Variants in CPS1 observed in about 807,000 individuals in gnomAD.
CPS1 encodes carbamoyl-phosphate synthase [ammonia], mitochondrial.
CPS1 carries 109 observed loss-of-function variants against 174.6 expected under a neutral mutation model. The observed-to-expected ratio is 0.62, with a 90% CI of 0.53 to 0.73. CPS1 has a LOEUF of 0.73. Ranked by LOEUF, CPS1 falls within the 30% of genes least tolerant of loss-of-function variation. The pLI is 0.00. For synonymous variants in CPS1, 637 were observed against 632.0 expected, an observed-to-expected ratio of 1.01 and a Z score of -0.12; for missense variants, 1,689 against 1,821.9, an observed-to-expected ratio of 0.93 and a Z score of 1.33.
intron 30 of CPS1, among the ~76,000 whole-genome samples, chr2:210,657,056 A>G (rs1574649769): frequency 6.6e-6 from 1 of 152,112 alleles, no homozygotes; most frequent in African/African-American, 2.4e-5. Flanking sequence ...CTAATGTTTC[A>G]GGGCCACACA....
At chr2:210,486,395 A>G (rs1186924788) in intron 1 of CPS1, among the ~76,000 whole-genome samples, 1 of 152,104 alleles carries the variant, frequency 6.6e-6, no homozygotes, top group African/African-American at 2.4e-5. Flanking sequence ...ATGACTGGTC[A>G]CTCACAGAAG....
At chr2:210,579,341 G>T (rs2106085324) in intron 4 of CPS1, among the ~76,000 whole-genome samples, 1 of 152,238 alleles carries the variant, frequency 6.6e-6, no homozygotes, top group East Asian at 1.9e-4. Context: ...AATGTGTTGA[G>T]TGCCTACTCT....
chr2:210,654,546 A>G (rs1700650849), intron 29 of CPS1, among the ~76,000 whole-genome samples: 1 of 152,216 alleles, frequency 6.6e-6, no homozygotes, highest in Admixed American at 6.5e-5. Context: ...CAAACAGAGT[A>G]AAGTGGATAA....
chr2:210,614,974 G>A (rs1412207243), intron 20 of CPS1, among the ~76,000 whole-genome samples: 1 of 151,780 alleles, frequency 6.6e-6, no homozygotes, highest in Non-Finnish European at 1.5e-5. Context: ...CATGGCCCGT[G>A]TATACCTATG....
intron 1 of CPS1, among the ~76,000 whole-genome samples, chr2:210,512,778 ATATATATG>A (rs1426745710): frequency 2.6e-4 from 20 of 76,586 alleles, no homozygotes; most frequent in South Asian, 4.3e-4. Flanking sequence ...ATATATATAT[ATATATATG>A]GAGAGAGAGA....
Position 210,592,948 on chromosome 2 carries a change from G to A in CPS1, c.1156G>A (p.Asp386Asn). Reference sequence around the variant, plus strand: ...CCCAGAGGTCACCCCGGGGCCAATAGACACTGAGGTACGTCAAAAAGATGA... The same window carrying A: ...CCCAGAGGTCACCCCGGGGCCAATAAACACTGAGGTACGTCAAAAAGATGA... ...FHPEVTPGPI[D>N]TEYLFDSFFS... The change falls in exon 11 of 38, where the codon GAC (aspartate) becomes AAC (asparagine). Residue 386 changes from aspartate (D) to asparagine (N), a missense_variant. Coordinates refer to ENST00000233072, the MANE Select transcript of CPS1 (RefSeq NM_001875.5). The A allele has an allele frequency of 1.2e-6, 2 of 1,611,988 alleles. No homozygotes were observed. Among genetic ancestry groups the A allele is most frequent in the Non-Finnish European group, 8.5e-7 (1 of 1,178,772 alleles).
chr2:210,487,145 A>G (rs1026702335), intron 1 of CPS1, among the ~76,000 whole-genome samples: 2 of 152,138 alleles, frequency 1.3e-5, no homozygotes, highest in Non-Finnish European at 2.9e-5. Flanking sequence ...CTTAACCTAC[A>G]TTCTCATTTC....
Position 210,658,654 on chromosome 2 carries a change from A to G in CPS1, c.3722A>G (p.Asn1241Ser), listed in dbSNP as rs1700805170. 1.2e-6 allele frequency: 2 copies of G among 1,613,970 alleles called. No individual in the cohort carries two copies. The highest frequency in any genetic ancestry group is 1.1e-5 in the South Asian group (1 of 91,092). Residue 1241 changes from asparagine to serine, a missense_variant, in exon 31 of 38, where the codon AAC becomes AGC. Coordinates refer to ENST00000233072, the MANE Select transcript of CPS1 (RefSeq NM_001875.5). ...AKAFAISGPFNVQFLVKGNDV... is the reference protein window; with the variant it reads ...AKAFAISGPFSVQFLVKGNDV... The stretch of plus-strand genomic sequence containing the variant: ...GCTTTTGCCATCTCTGGTCCATTCA[A>G]CGTCCAATTTCTTGTCAAAGGAAAT...
At chr2:210,573,500 G>C in intron 2 of CPS1, 93 bp downstream of exon 2, 1 of 965,476 alleles carries the variant, frequency 1.0e-6, no homozygotes, top group Non-Finnish European at 1.7e-6. Context: ...TCACTGCATC[G>C]TAGTAAGACT....
At chr2:210,573,456 A>T in intron 2 of CPS1, 49 bp downstream of exon 2, 3 of 1,344,114 alleles carry the variant, frequency 2.2e-6, no homozygotes, top group Non-Finnish European at 3.2e-6. Flanking sequence ...TAGAGAAATA[A>T]CTGGAAGATC....
At chr2:210,615,000 T>G (rs1035283679) in intron 20 of CPS1, among the ~76,000 whole-genome samples, 5 of 151,828 alleles carry the variant, frequency 3.3e-5, no homozygotes, top group African/African-American at 7.3e-5. Flanking sequence ...AACCTGCACG[T>G]CCTGCACATG....
upstream of CPS1, among the ~76,000 whole-genome samples, chr2:210,553,174 C>T (rs959703476): frequency 2.0e-5 from 3 of 151,096 alleles, no homozygotes; most frequent in African/African-American, 7.3e-5. Context: ...AATATTGCCT[C>T]CAAAAAGCAT....
intron 5 of CPS1, 88 bp downstream of exon 5, chr2:210,579,858 ATCCATT>A: frequency 1.9e-6 from 2 of 1,043,702 alleles, no homozygotes; most frequent in Non-Finnish European, 3.0e-6. Flanking sequence ...TGCCTAAGGG[ATCCATT>A]AATATGTAAA....
chr2:210,486,857 G>T (rs1264203094), intron 1 of CPS1, among the ~76,000 whole-genome samples: 2 of 151,268 alleles, frequency 1.3e-5, no homozygotes, highest in Non-Finnish European at 3.0e-5. Flanking sequence ...TGCTCAATCT[G>T]CCTTCCTCAC....
intron 21 of CPS1, among the ~76,000 whole-genome samples, chr2:210,632,986 C>A (rs894960147): frequency 3.3e-5 from 5 of 152,088 alleles, no homozygotes; most frequent in Admixed American, 6.5e-5. Context: ...GTTTTTGGCT[C>A]ACCAAGAAAA....
chr2:210,664,342 CT>C (rs1306865229), intron 33 of CPS1, among the ~76,000 whole-genome samples: 28 of 147,802 alleles, frequency 1.9e-4, no homozygotes, highest in Admixed American at 2.0e-4. Flanking sequence ...TTCTTTCTTC[CT>C]TTTTTTTTTG....
At chr2:210,605,741 G>A (rs1698884968) in intron 17 of CPS1, among the ~76,000 whole-genome samples, 1 of 151,794 alleles carries the variant, frequency 6.6e-6, no homozygotes, top group Non-Finnish European at 1.5e-5. Context: ...ATGTGGAGAT[G>A]GAATTTAAGA....
intron 1 of CPS1, among the ~76,000 whole-genome samples, chr2:210,518,845 TGGGTGAC>T (rs1695748106): frequency 6.6e-6 from 1 of 152,046 alleles, no homozygotes; most frequent in African/African-American, 2.4e-5. Context: ...CCTTTCCAGG[TGGGTGAC>T]CTGCAGGCCC....
At chr2:210,573,721 G>T (rs575852895) in intron 2 of CPS1, among the ~76,000 whole-genome samples, 1 of 152,158 alleles carries the variant, frequency 6.6e-6, no homozygotes, top group East Asian at 1.9e-4. Flanking sequence ...TCTGTAAGGG[G>T]AGGTATGGGT....
Sources: allele counts gnomAD v4.1 joint callset (sites outside exome capture counted in the v4.1 genomes callset), GRCh38; gene constraint gnomAD v4.1.1; transcripts MANE v1.5; gene names NCBI Gene and HGNC (gene_info 2026-07-23, HGNC 2026-07-21).